Variants in AK9 observed in about 807,000 individuals in gnomAD.
The protein encoded by AK9 is adenylate kinase domain containing 1.
A neutral mutation model predicts 239.6 loss-of-function variants in AK9; 191 were observed. The ratio of observed to expected loss-of-function variants is 0.80; its 90% CI spans 0.71 to 0.90. The LOEUF is 0.90. Ranked by LOEUF, AK9 falls within the 40% of genes least tolerant of loss-of-function variation. The pLI, the probability that AK9 is intolerant of heterozygous loss-of-function variation, is 0.00. For missense variants in AK9, 1,995 were observed against 2,214.7 expected (o/e 0.90, Z 1.99); for synonymous variants, 689 against 721.0 (o/e 0.96, Z 0.71).
intron 35 of AK9, among the ~76,000 whole-genome samples, chr6:109,499,781 G>T (rs565636937): frequency 6.6e-6 from 1 of 152,070 alleles, no homozygotes; most frequent in Non-Finnish European, 1.5e-5. Context: ...TGTACTTTTA[G>T]TAGAGACAGG....
chr6:109,522,930 A>C (rs983327389), intron 29 of AK9, among the ~76,000 whole-genome samples: 2 of 152,176 alleles, frequency 1.3e-5, no homozygotes, highest in Non-Finnish European at 2.9e-5. Context: ...GGTATCAACC[A>C]ACATTCTGTG....
At chr6:109,642,542 A>T (rs1039931763) in intron 9 of AK9, among the ~76,000 whole-genome samples, 3 of 152,164 alleles carry the variant, frequency 2.0e-5, no homozygotes, top group African/African-American at 7.2e-5. Flanking sequence ...TCCCATGGGC[A>T]CCTTCACAGG....
intron 9 of AK9, among the ~76,000 whole-genome samples, chr6:109,643,408 G>C (rs1342794040): frequency 6.6e-6 from 1 of 152,172 alleles, no homozygotes; most frequent in African/African-American, 2.4e-5. Flanking sequence ...GTCCTGTCAA[G>C]TAGATTTCTT....
rs529304223 is a variant in AK9 at position 109,669,641 on chromosome 6, C to T, written c.331+2278G>A. ...AAAGGCCTTTTCTGCATCTATTGAC[C>T]TAATCAAGTTTATATCCCTGTTTTG... On this transcript the variant is annotated intron_variant, in intron 5 of 40. Coordinates refer to ENST00000424296, the MANE Select transcript of AK9 (RefSeq NM_001145128.3). Among the ~76,000 whole-genome samples the T allele has an allele frequency of 7.9e-5, 12 of 152,014 alleles. No individual in the cohort carries two copies. In the South Asian group the frequency reaches 2.5e-3, roughly 32 times the overall value.
chr6:109,620,313 A>C (rs977073334), intron 12 of AK9, among the ~76,000 whole-genome samples: 2 of 152,218 alleles, frequency 1.3e-5, no homozygotes, highest in East Asian at 3.9e-4. Flanking sequence ...CCTCACCAAC[A>C]CTTGGTTTTG....
At chr6:109,533,182 T>C (rs1234997308) in intron 28 of AK9, 69 bp downstream of exon 28, 9 of 1,193,570 alleles carry the variant, frequency 7.5e-6, no homozygotes, top group Admixed American at 3.1e-5. Context: ...TTTGTGAAGA[T>C]CACTTTATAA....
At chr6:109,615,233 A>AT (rs1243482391) in intron 13 of AK9, among the ~76,000 whole-genome samples, 4 of 128,232 alleles carry the variant, frequency 3.1e-5, no homozygotes, top group South Asian at 2.7e-4. Flanking sequence ...ACCATGTTGT[A>AT]TTTTTTTTCC....
At chr6:109,655,853 C>A (rs986853102) in intron 8 of AK9, among the ~76,000 whole-genome samples, 1 of 152,086 alleles carries the variant, frequency 6.6e-6, no homozygotes. Flanking sequence ...TCAGAAGCTA[C>A]GTTTATAAGC....
At chr6:109,590,913 T>G (rs1160701355) in intron 17 of AK9, among the ~76,000 whole-genome samples, 1 of 152,180 alleles carries the variant, frequency 6.6e-6, no homozygotes, top group Non-Finnish European at 1.5e-5. Flanking sequence ...TTTTTAAAAT[T>G]TTTTTGAGAC....
intron 12 of AK9, among the ~76,000 whole-genome samples, chr6:109,629,019 A>G (rs1473874214): frequency 6.6e-6 from 1 of 152,226 alleles, no homozygotes; most frequent in Non-Finnish European, 1.5e-5. Context: ...TTGCTGCATA[A>G]CAAAGTACCT....
intron 17 of AK9, among the ~76,000 whole-genome samples, chr6:109,592,371 C>A (rs1228984534): frequency 1.3e-5 from 2 of 151,494 alleles, no homozygotes; most frequent in African/African-American, 4.8e-5. Context: ...TTAAAGAAGA[C>A]CAAAAATAGG....
At chr6:109,598,758 T>G (rs967505466) in intron 17 of AK9, among the ~76,000 whole-genome samples, 2 of 152,228 alleles carry the variant, frequency 1.3e-5, no homozygotes, top group Non-Finnish European at 2.9e-5. Context: ...TTTTTAATGA[T>G]CGCCATTCTA....
At chr6:109,558,928 A>G (rs1223145731) in intron 24 of AK9, among the ~76,000 whole-genome samples, 3 of 151,250 alleles carry the variant, frequency 2.0e-5, no homozygotes, top group East Asian at 1.9e-4. Flanking sequence ...CGGTGGCACA[A>G]TCTTGGCTCA....
intron 5 of AK9, among the ~76,000 whole-genome samples, chr6:109,667,680 G>C (rs1234802357): frequency 6.6e-6 from 1 of 151,994 alleles, no homozygotes; most frequent in African/African-American, 2.4e-5. Context: ...GCGATAGTTT[G>C]CTGAGAATGA....
At chr6:109,536,343 C>G (rs1489302308) in intron 27 of AK9, among the ~76,000 whole-genome samples, 1 of 152,164 alleles carries the variant, frequency 6.6e-6, no homozygotes, top group Admixed American at 6.5e-5. Flanking sequence ...AGTTGGATTC[C>G]TAGGTATTTT....
At position 109,633,020 on chromosome 6, in the gene AK9, G is replaced by A. The variant is rs1413817468; in HGVS notation, c.1157C>T (p.Pro386Leu). The change falls in exon 12 of 41, where the codon CCT becomes CTT. Residue 386 changes from proline to leucine, a missense_variant. This residue lies in a region of AK9 where 1,290 missense variants were observed against 1,392.7 expected (regional missense o/e 0.93). Coordinates refer to ENST00000424296, the MANE Select transcript of AK9 (RefSeq NM_001145128.3). ...LLNPRPYLLP[P>L]MPGPPCKVFI... ...TACTTTACATGGTGGTCCTGGCATA[G>A]GTGGAAGCAGATAGGGACGTGGGTT... 2 of 1,599,880 alleles carry A rather than the reference G, an allele frequency of 1.3e-6. No individual in the cohort carries two copies. The highest frequency in any genetic ancestry group is 1.7e-6 in the Non-Finnish European group (2 of 1,175,536).
chr6:109,539,666 G>A lies in AK9; in HGVS notation c.3350+2381C>T, dbSNP rs533081442. ...GGCAAGGAGCTGTGTTCCTTTGGAG[G>A]AGGAGAGGCGCTCTGATTTTTAGAA... On this transcript the variant is annotated intron_variant, in intron 27 of 40. Transcript: ENST00000424296. 9.8e-5 allele frequency among the ~76,000 whole-genome samples: 15 copies of A among 152,294 alleles called. 1 individual carries two copies. In the South Asian group the frequency reaches 3.1e-3, roughly 32 times the overall value.
rs142974936 is a variant in AK9 at position 109,520,240 on chromosome 6, T to C, written c.3634-3598A>G. On this transcript the variant is annotated intron_variant, in intron 29 of 40. Coordinates refer to ENST00000424296, the MANE Select transcript of AK9 (RefSeq NM_001145128.3). ...CCCAGGTTTTCTTCTAGGAATCATA[T>C]AGTCTGAGGTCTCACATTTACATCT... Among the ~76,000 whole-genome samples, 864 of 152,300 alleles carry C rather than the reference T, an allele frequency of 5.7e-3. 8 individuals carry two copies. The highest frequency in any genetic ancestry group is 0.02 in the African/African-American group (821 of 41,560).
intron 12 of AK9, among the ~76,000 whole-genome samples, chr6:109,629,477 C>T (rs772865568): frequency 1.8e-4 from 27 of 152,068 alleles, no homozygotes; most frequent in South Asian, 8.3e-4. Context: ...TTTGAGACTC[C>T]GTTACTGACA....
Sources: allele counts gnomAD v4.1 joint callset (sites outside exome capture counted in the v4.1 genomes callset), GRCh38; gene constraint gnomAD v4.1.1; regional missense constraint gnomAD v4.1.1; transcripts MANE v1.5; gene names NCBI Gene and HGNC (gene_info 2026-07-23, HGNC 2026-07-21).